CHM: variants seen among roughly 807,000 people sequenced by gnomAD.
CHM encodes CHM Rab escort protein.
In CHM, 10 loss-of-function variants were observed where a neutral mutation model predicts 49.0. That is an observed-to-expected ratio of 0.20 (90% CI 0.13 to 0.35). CHM has a LOEUF of 0.35. Ranked by LOEUF, CHM falls within the 10% of genes least tolerant of loss-of-function variation. The pLI, the probability that CHM is intolerant of heterozygous loss-of-function variation, is 1.00. For synonymous variants in CHM, 184 were observed against 167.5 expected, an observed-to-expected ratio of 1.10 and a Z score of -0.76; for missense variants, 455 against 478.4, an observed-to-expected ratio of 0.95 and a Z score of 0.46.
intron 4 of CHM, chrX:85,969,044 AT>A: frequency 1.6e-6 from 1 of 635,651 alleles, no homozygotes; most frequent in Non-Finnish European, 1.9e-6. Context: ...TGCTTGTATA[AT>A]TTTTAAGTGG....
rs73506414 is a variant in CHM at position 85,929,632 on chromosome X, A to C, written c.1167-18294T>G. Among the ~76,000 whole-genome samples, 321 of 112,080 alleles carry C rather than the reference A, an allele frequency of 2.9e-3. 4 individuals are homozygous for C. The highest frequency in any genetic ancestry group is 0.01 in the African/African-American group (313 of 30,908). On this transcript the variant is annotated intron_variant, in intron 8 of 14. Coordinates refer to ENST00000357749, the MANE Select transcript of CHM (RefSeq NM_000390.4). Reference sequence around the variant, plus strand: ...TAAATGAATCCTAATTTTTATTCTAAATACGCATAAGATAAAACAGCCCGA... The same window carrying C: ...TAAATGAATCCTAATTTTTATTCTACATACGCATAAGATAAAACAGCCCGA...
In CHM at chrX:85,900,761, C is replaced by T. The variant is rs374589433; in HGVS notation, c.1350-52G>A. On this transcript the variant is annotated intron_variant, in intron 10 of 14. Coordinates refer to ENST00000357749, the MANE Select transcript of CHM (RefSeq NM_000390.4). ...TAATTCTGATTCCATGGATAAGTTTCGTTTATAGTTATATAACCACCAGAA... is the reference window on the plus strand; with the variant it reads ...TAATTCTGATTCCATGGATAAGTTTTGTTTATAGTTATATAACCACCAGAA... 86 of 906,207 alleles carry T rather than the reference C, an allele frequency of 9.5e-5. No individual in the cohort carries two copies. In the African/African-American group the frequency reaches 1.4e-3, roughly 15 times the overall value. The allele number at this position is 906,207 out of a possible 1,213,427, so 74.7% of individuals were successfully genotyped here. A position where few individuals can be genotyped will look rare whatever the true frequency, so the allele number is the denominator to read the frequency against.
At chrX:85,898,243 T>C (rs140386057) in intron 11 of CHM, among the ~76,000 whole-genome samples, 200 of 111,550 alleles carry the variant, frequency 1.8e-3, no homozygotes, top group African/African-American at 6.3e-3. Context: ...TCTCAAAAGA[T>C]GACCTCACCT....
chrX:85,940,191 C>T (rs1485326577), intron 8 of CHM, among the ~76,000 whole-genome samples: 1 of 111,135 alleles, frequency 9.0e-6, no homozygotes, highest in African/African-American at 3.3e-5. Flanking sequence ...CTTACAAACT[C>T]ACTCACTATC....
At chrX:85,987,364 A>C (rs769492633) in intron 2 of CHM, among the ~76,000 whole-genome samples, 7 of 112,166 alleles carry the variant, frequency 6.2e-5, no homozygotes, top group African/African-American at 2.3e-4. Flanking sequence ...CATAATCTTC[A>C]GATGTTCCAA....
intron 8 of CHM, among the ~76,000 whole-genome samples, chrX:85,954,735 T>C (rs1443454272): frequency 1.8e-5 from 2 of 109,062 alleles, no homozygotes; most frequent in Non-Finnish European, 3.8e-5. Context: ...CTACTAAAAA[T>C]ACAAAAATTA....
At chrX:86,012,575 C>A (rs765261726) in intron 2 of CHM, among the ~76,000 whole-genome samples, 1 of 111,683 alleles carries the variant, frequency 9.0e-6, no homozygotes, top group Non-Finnish European at 1.9e-5. Context: ...CCATAAATAG[C>A]CCTAAGGAAA....
chrX:85,884,449 T>C (rs1315563394), intron 12 of CHM, among the ~76,000 whole-genome samples: 2 of 110,691 alleles, frequency 1.8e-5, no homozygotes, highest in African/African-American at 3.3e-5. Flanking sequence ...CTGAGGCACA[T>C]AGAAATTAAG....
At chrX:86,008,397 T>TTA (rs2147761922) in intron 2 of CHM, among the ~76,000 whole-genome samples, 1 of 110,610 alleles carries the variant, frequency 9.0e-6, no homozygotes, top group South Asian at 3.9e-4. Flanking sequence ...CCCTAGAACT[T>TTA]AAAGTATAAT....
At chrX:85,941,583 A>G (rs1929112324) in intron 8 of CHM, among the ~76,000 whole-genome samples, 1 of 111,464 alleles carries the variant, frequency 9.0e-6, no homozygotes, top group African/African-American at 3.3e-5. Flanking sequence ...CAATTTTTGG[A>G]AAAAAAGACT....
At chrX:86,041,068 T>C (rs1934439067) in intron 1 of CHM, among the ~76,000 whole-genome samples, 1 of 112,270 alleles carries the variant, frequency 8.9e-6, no homozygotes, top group Admixed American at 9.4e-5. Context: ...TGGGATTTTA[T>C]GTTAAACATG....
At position 85,958,909 on chromosome X, in the gene CHM, A is replaced by G; in HGVS notation, c.771T>C (p.Phe257=). 1.7e-6 allele frequency: 2 copies of G among 1,211,792 alleles called. No homozygotes were observed. The highest frequency in any genetic ancestry group is 5.9e-5 in the East Asian group (2 of 33,845). ...ATGCAAGAATCCTGGTAATATTTTT[A>G]AACTCTGCATATCGACTAACATTAG... ...IKSNVSRYAE[F]KNITRILAFR... The change falls in exon 6 of 15, where the codon TTT becomes TTC. Residue 257 remains phenylalanine (F), a synonymous_variant. Transcript: ENST00000357749.
At chrX:85,923,072 A>T (rs1283859477) in intron 8 of CHM, among the ~76,000 whole-genome samples, 1 of 111,899 alleles carries the variant, frequency 8.9e-6, no homozygotes, top group Non-Finnish European at 1.9e-5. Flanking sequence ...TTGCAAAGAG[A>T]TCAACTCGTG....
intron 12 of CHM, among the ~76,000 whole-genome samples, chrX:85,881,950 C>CA (rs1265389073): frequency 9.0e-6 from 1 of 111,565 alleles, no homozygotes; most frequent in Admixed American, 9.6e-5. Flanking sequence ...TAGAAAGTTT[C>CA]AAAAAAATTC....
intron 13 of CHM, among the ~76,000 whole-genome samples, chrX:85,877,962 C>T (rs893488928): frequency 4.5e-5 from 5 of 111,710 alleles, no homozygotes; most frequent in African/African-American, 1.6e-4. Context: ...TTCAAGTGCA[C>T]ATGCAAATCC....
chrX:85,919,595 GA>G (rs201341104), intron 8 of CHM, among the ~76,000 whole-genome samples: 2 of 109,924 alleles, frequency 1.8e-5, no homozygotes, highest in Non-Finnish European at 3.8e-5. Context: ...ATACTATATG[GA>G]AAAAAAACAC....
chrX:85,879,003 A>G lies in CHM; in HGVS notation c.1571T>C (p.Val524Ala). The change falls in exon 13 of 15, where the codon GTG (valine) becomes GCG (alanine). Residue 524 changes from valine to alanine, a missense_variant. Val to Ala is a moderately conservative substitution (Grantham distance 64). Coordinates refer to ENST00000357749, the MANE Select transcript of CHM (RefSeq NM_000390.4). ...KTAREDLESV[V>A]QKLFVPYTEM... Reference sequence around the variant, plus strand: ...AGTATATGGAACAAACAATTTCTGCACAACTGATTCTAAATCTTCTCTTGC... The same window carrying G: ...AGTATATGGAACAAACAATTTCTGCGCAACTGATTCTAAATCTTCTCTTGC... 1 of 1,204,708 alleles carries G rather than the reference A, an allele frequency of 8.3e-7. No homozygotes were observed. The highest frequency in any genetic ancestry group is 1.1e-6 in the Non-Finnish European group (1 of 890,241).
chrX:85,941,186 C>G (rs895175019), intron 8 of CHM, among the ~76,000 whole-genome samples: 1 of 111,993 alleles, frequency 8.9e-6, no homozygotes, highest in Non-Finnish European at 1.9e-5. Context: ...AGATTTTGGT[C>G]ATTTTAACTA....
intron 8 of CHM, among the ~76,000 whole-genome samples, chrX:85,935,962 C>A (rs1057170304): frequency 3.6e-5 from 4 of 111,827 alleles, no homozygotes; most frequent in Non-Finnish European, 5.6e-5. Context: ...TATTTAATTT[C>A]TTTTTATGGT....
Sources: allele counts gnomAD v4.1 joint callset (sites outside exome capture counted in the v4.1 genomes callset), GRCh38; gene constraint gnomAD v4.1.1; transcripts MANE v1.5; gene names NCBI Gene and HGNC (gene_info 2026-07-23, HGNC 2026-07-21).